Variants in LIMA1 observed in about 807,000 individuals in gnomAD.
The protein encoded by LIMA1 is LIM domain and actin binding 1, also known as LIM domain and actin-binding protein 1.
LIMA1 carries 52 observed loss-of-function variants against 62.6 expected under a neutral mutation model. The observed-to-expected ratio is 0.83, with a 90% CI of 0.67 to 1.05. LIMA1 has a LOEUF of 1.05. Among genes scored for constraint, LIMA1 ranks in the 50% least tolerant of loss-of-function variants. LIMA1 has a pLI of 0.00. For missense variants in LIMA1, 780 were observed against 902.2 expected (o/e 0.86, Z 1.74); for synonymous variants, 302 against 317.8 (o/e 0.95, Z 0.53).
intron 1 of LIMA1, among the ~76,000 whole-genome samples, chr12:50,280,152 T>TC: frequency 8.0e-6 from 1 of 124,892 alleles, no homozygotes; most frequent in Non-Finnish European, 1.7e-5. Context: ...GTATTTTTTT[T>TC]TTTTTTTTTT....
chr12:50,204,161 T>C (rs1941107948), intron 6 of LIMA1, among the ~76,000 whole-genome samples: 1 of 152,212 alleles, frequency 6.6e-6, no homozygotes, highest in Non-Finnish European at 1.5e-5. Context: ...TTCTTCTTTC[T>C]TCCCTCAAAA....
intron 6 of LIMA1, among the ~76,000 whole-genome samples, chr12:50,203,359 T>C (rs912455037): frequency 6.6e-6 from 1 of 151,910 alleles, no homozygotes; most frequent in Non-Finnish European, 1.5e-5. Context: ...AGCTTACCCG[T>C]TAAGCACAGG....
intron 2 of LIMA1, among the ~76,000 whole-genome samples, chr12:50,237,768 A>C (rs1055302572): frequency 6.6e-6 from 1 of 152,260 alleles, no homozygotes; most frequent in African/African-American, 2.4e-5. Flanking sequence ...CAGAACACAC[A>C]GCCCAGAAAT....
chr12:50,248,666 T>C lies in LIMA1; in HGVS notation c.86A>G (p.Asn29Ser). 6.2e-7 allele frequency: 1 copy of C among 1,613,198 alleles called. No homozygotes were observed. The change falls in exon 2 of 11, where the codon AAC (asparagine) becomes AGC (serine). Residue 29 changes from asparagine to serine, a missense_variant. Transcript: ENST00000341247. ...TATTTCCACAATAGCCGATGACTTG[T>C]TCTTGTTGACAAGAGAAAGTTCTTT... The part of the protein sequence containing the change: ...TAKELSLVNK[N>S]KSSAIVEIFS...
chr12:50,185,783 C>T (rs1274037478), intron 9 of LIMA1: 5 of 228,004 alleles, frequency 2.2e-5, no homozygotes, highest in Non-Finnish European at 3.6e-5. Flanking sequence ...CCACATGGAG[C>T]AAAAAGTCTG....
At chr12:50,217,492 TC>T (rs1230136742) in intron 4 of LIMA1, among the ~76,000 whole-genome samples, 3 of 150,474 alleles carry the variant, frequency 2.0e-5, no homozygotes, top group Non-Finnish European at 4.4e-5. Context: ...TGAAGTAAAA[TC>T]TTTTTTTTTT....
At chr12:50,225,773 A>G (rs1218940902) in intron 3 of LIMA1, among the ~76,000 whole-genome samples, 2 of 151,942 alleles carry the variant, frequency 1.3e-5, no homozygotes, top group East Asian at 3.9e-4. Context: ...GCTGGTCCTG[A>G]CCTCAGGTGA....
intron 6 of LIMA1, chr12:50,202,199 C>T (rs1340329885): frequency 6.6e-6 from 1 of 152,306 alleles, no homozygotes; most frequent in African/African-American, 2.4e-5. Context: ...CTGACCCCAT[C>T]TCAAAGCCCC....
chr12:50,258,716 C>T (rs865854663), intron 1 of LIMA1, among the ~76,000 whole-genome samples: 2 of 142,852 alleles, frequency 1.4e-5, no homozygotes, highest in Admixed American at 7.2e-5. Context: ...GGTGCGATCT[C>T]GGCTCACTGC....
At chr12:50,230,924 G>A (rs1263646132) in intron 3 of LIMA1, among the ~76,000 whole-genome samples, 1 of 152,136 alleles carries the variant, frequency 6.6e-6, no homozygotes, top group African/African-American at 2.4e-5. Flanking sequence ...TTAATTACAG[G>A]AAAATGAAGC....
chr12:50,235,418 G>A (rs544660569), intron 2 of LIMA1, among the ~76,000 whole-genome samples: 3 of 151,416 alleles, frequency 2.0e-5, no homozygotes, highest in East Asian at 3.9e-4. Flanking sequence ...GGTGTGCACC[G>A]CTATGCCCGG....
intron 10 of LIMA1, among the ~76,000 whole-genome samples, chr12:50,180,723 T>C (rs2138379165): frequency 6.6e-6 from 1 of 152,254 alleles, no homozygotes. Flanking sequence ...TGATAAGTTT[T>C]ATCTTTTTAA....
chr12:50,246,525 A>G (rs1941851637), intron 2 of LIMA1, among the ~76,000 whole-genome samples: 1 of 151,812 alleles, frequency 6.6e-6, no homozygotes, highest in Non-Finnish European at 1.5e-5. Context: ...CATGTTACCA[A>G]TCTCTCACCT....
In LIMA1 at chr12:50,271,079, G is replaced by A. The variant is rs1033963360; in HGVS notation, c.-24+12341C>T. ...TGCACTCCAGCCTGGGCGACAGAGC[G>A]AGACTCCGTCTCAAAACAAACAAAC... On this transcript the variant is annotated intron_variant, in intron 1 of 10. Transcript: ENST00000341247. Among the ~76,000 whole-genome samples, 9 of 151,318 alleles carry A rather than the reference G, an allele frequency of 5.9e-5. No homozygotes were observed. The South Asian group carries it at 8.3e-4, about 14-fold the overall frequency.
Position 50,248,744 on chromosome 12 carries a change from G to A in LIMA1, c.8C>T (p.Ser3Leu). 1 of 1,579,684 alleles carries A rather than the reference G, an allele frequency of 6.3e-7. No individual in the cohort carries two copies. The change falls in exon 2 of 11, where the codon TCA becomes TTA. Residue 3 changes from serine (S) to leucine (L), a missense_variant. Ser to Leu is a moderately radical substitution (Grantham distance 145). Coordinates refer to ENST00000341247, the MANE Select transcript of LIMA1 (RefSeq NM_016357.5). ...CCATTGCCGTCTATTAAATGGAGAT[G>A]ATTCCATCTTGTCTACAGACACTGA... ME[S>L]SPFNRRQWTS...
intron 4 of LIMA1, among the ~76,000 whole-genome samples, chr12:50,207,992 G>A (rs1446284656): frequency 6.6e-6 from 1 of 151,890 alleles, no homozygotes; most frequent in Non-Finnish European, 1.5e-5. Context: ...TCAGAGCCAA[G>A]GATTGGTCTG....
intron 2 of LIMA1, among the ~76,000 whole-genome samples, chr12:50,237,021 C>G (rs1941706378): frequency 6.6e-6 from 1 of 152,122 alleles, no homozygotes; most frequent in African/African-American, 2.4e-5. Flanking sequence ...TTGGTAAAAC[C>G]TTTATAGAAG....
At chr12:50,222,000 T>A in intron 4 of LIMA1, 21 bp downstream of exon 4, 1 of 1,582,940 alleles carries the variant, frequency 6.3e-7, no homozygotes, top group Non-Finnish European at 8.6e-7. Context: ...TTCTCAAGTT[T>A]CAAACCCGCC....
intron 4 of LIMA1, among the ~76,000 whole-genome samples, chr12:50,210,612 C>T (rs1412295610): frequency 6.6e-6 from 1 of 152,120 alleles, no homozygotes; most frequent in Non-Finnish European, 1.5e-5. Flanking sequence ...TGTGAAGTCC[C>T]TGCACTGCTG....
Sources: allele counts gnomAD v4.1 joint callset (sites outside exome capture counted in the v4.1 genomes callset), GRCh38; gene constraint gnomAD v4.1.1; transcripts MANE v1.5; gene names NCBI Gene and HGNC (gene_info 2026-07-23, HGNC 2026-07-21).